Variants in GLIS3 observed in about 807,000 individuals in gnomAD.
GLIS3 encodes the protein zinc finger protein GLIS3.
Under a neutral mutation model 78.6 loss-of-function variants are expected in GLIS3, and 53 were observed. The observed-to-expected ratio is 0.67, with a 90% CI of 0.54 to 0.85. GLIS3 has a LOEUF of 0.85. GLIS3 is among the 40% of genes least tolerant of loss of function. The pLI, the probability that GLIS3 is intolerant of heterozygous loss-of-function variation, is 0.00. For missense variants in GLIS3, 1,703 were observed against 1,231.1 expected (o/e 1.38, Z -5.74); for synonymous variants, 684 against 509.9 (o/e 1.34, Z -4.60).
chr9:4,385,118 A>G, the GLIS3 span, among the ~76,000 whole-genome samples: 1 of 152,344 alleles, frequency 6.6e-6, no homozygotes, highest in South Asian at 2.1e-4. Context: ...ACTCCTCAGA[A>G]CAGTTTACTG....
chr9:4,242,836 C>T (rs1823444413), intron 2 of GLIS3, among the ~76,000 whole-genome samples: 1 of 152,020 alleles, frequency 6.6e-6, no homozygotes, highest in African/African-American at 2.4e-5. Flanking sequence ...AAATGTATTA[C>T]ATAAAATATA....
intron 4 of GLIS3, among the ~76,000 whole-genome samples, chr9:3,975,964 G>A (rs775960636): frequency 6.6e-6 from 1 of 152,098 alleles, no homozygotes; most frequent in Admixed American, 6.6e-5. Flanking sequence ...CATTAAATCT[G>A]TCGCTGTCTC....
intron 4 of GLIS3, among the ~76,000 whole-genome samples, chr9:4,070,739 C>T (rs1208104757): frequency 6.6e-6 from 1 of 152,184 alleles, no homozygotes; most frequent in African/African-American, 2.4e-5. Flanking sequence ...GTAATCAGCA[C>T]TTAAATATTT....
At chr9:4,487,261 C>A in the GLIS3 span, among the ~76,000 whole-genome samples, 45 of 152,166 alleles carry the variant, frequency 3.0e-4, 1 homozygote, top group African/African-American at 8.9e-4. Flanking sequence ...TAATGACAGG[C>A]AGGTGTTAAA....
At chr9:4,398,961 A>G in the GLIS3 span, among the ~76,000 whole-genome samples, 2 of 152,208 alleles carry the variant, frequency 1.3e-5, no homozygotes, top group African/African-American at 4.8e-5. Flanking sequence ...TGCTAGGATT[A>G]CAGGCGTGAG....
chr9:3,849,879 AGCCTGGGT>A (rs1006309858), intron 9 of GLIS3, among the ~76,000 whole-genome samples: 12 of 151,874 alleles, frequency 7.9e-5, no homozygotes, highest in Non-Finnish European at 5.9e-5. Flanking sequence ...ACTGCACCCC[AGCCTGGGT>A]GACAGAGTGA....
intron 4 of GLIS3, among the ~76,000 whole-genome samples, chr9:4,116,183 A>G (rs1404206191): frequency 6.6e-6 from 1 of 152,236 alleles, no homozygotes; most frequent in African/African-American, 2.4e-5. Context: ...ATTTCAGTAA[A>G]GCCAAATCCA....
At chr9:4,002,136 A>C (rs899859134) in intron 4 of GLIS3, among the ~76,000 whole-genome samples, 1 of 152,222 alleles carries the variant, frequency 6.6e-6, no homozygotes, top group African/African-American at 2.4e-5. Context: ...TCTTTATAAG[A>C]CAAAGATAGG....
chr9:4,034,790 A>C (rs985913651), intron 4 of GLIS3: 3 of 152,038 alleles, frequency 2.0e-5, no homozygotes, highest in African/African-American at 7.3e-5. Context: ...AATTCCTCAC[A>C]CCCCAGAGTA....
intron 4 of GLIS3, among the ~76,000 whole-genome samples, chr9:4,065,280 G>A (rs1178451677): frequency 2.0e-5 from 3 of 152,084 alleles, no homozygotes; most frequent in African/African-American, 4.8e-5. Flanking sequence ...ACAGCCCAAG[G>A]CAGAAAAAGG....
At chr9:3,917,009 T>C (rs1824555810) in intron 6 of GLIS3, among the ~76,000 whole-genome samples, 1 of 152,208 alleles carries the variant, frequency 6.6e-6, no homozygotes, top group African/African-American at 2.4e-5. Flanking sequence ...GATAGTGAGT[T>C]GGTCCTTAGC....
rs772516735 is a variant in GLIS3 at position 4,198,422 on chromosome 9, T to C, written c.389-72481A>G. On this transcript the variant is annotated intron_variant, in intron 2 of 10. Coordinates refer to ENST00000381971, the MANE Select transcript of GLIS3 (RefSeq NM_001042413.2). ...GGAATTACAAAATACAATTGAAAAT[T>C]TCATCAATAGACTGAACCAAGCAAA... Among the ~76,000 whole-genome samples, 73 of 151,634 alleles carry C rather than the reference T, an allele frequency of 4.8e-4. 1 individual carries two copies. Among genetic ancestry groups the C allele is most frequent in the Middle Eastern group, 3.4e-3 (1 of 294 alleles).
chr9:4,132,206 T>A (rs1833031494), intron 2 of GLIS3, among the ~76,000 whole-genome samples: 1 of 152,190 alleles, frequency 6.6e-6, no homozygotes, highest in African/African-American at 2.4e-5. Context: ...CATGATGTAT[T>A]TGAAACATGT....
chr9:4,410,808 G>T, the GLIS3 span, among the ~76,000 whole-genome samples: 1 of 152,066 alleles, frequency 6.6e-6, no homozygotes, highest in Non-Finnish European at 1.5e-5. Context: ...TGAACAAATG[G>T]GATATTTTAA....
At chr9:4,064,100 T>C (rs111848749) in intron 4 of GLIS3, among the ~76,000 whole-genome samples, 4,536 of 152,154 alleles carry the variant, frequency 0.03, 223 homozygotes, top group African/African-American at 0.1. Flanking sequence ...TAAGGCAACA[T>C]TAAAATATAG....
At chr9:4,418,716 AAAC>A in the GLIS3 span, among the ~76,000 whole-genome samples, 11 of 152,302 alleles carry the variant, frequency 7.2e-5, no homozygotes, top group African/African-American at 2.6e-4. Flanking sequence ...AAACAAAAAA[AAAC>A]ATATTGGAGA....
At chr9:3,897,526 C>A (rs1039837327) in intron 7 of GLIS3, among the ~76,000 whole-genome samples, 1 of 152,034 alleles carries the variant, frequency 6.6e-6, no homozygotes, top group African/African-American at 2.4e-5. Flanking sequence ...GAACCTGTAC[C>A]TGAAACCTCT....
At position 4,067,610 on chromosome 9, in the gene GLIS3, G is replaced by T. The variant is rs149072472; in HGVS notation, c.1710+50158C>A. Among the ~76,000 whole-genome samples, 5 of 152,196 alleles carry T rather than the reference G, an allele frequency of 3.3e-5. No homozygotes were observed. The South Asian group carries it at 1.0e-3, about 32-fold the overall frequency. ...CAGTTTATCTCCTCAAATTCAACAA[G>T]ATTCAAGCGGCCACTTTATGTATGA... On this transcript the variant is annotated intron_variant, in intron 4 of 10. Coordinates refer to ENST00000381971, the MANE Select transcript of GLIS3 (RefSeq NM_001042413.2).
At chr9:4,433,011 G>A in the GLIS3 span, among the ~76,000 whole-genome samples, 1 of 152,156 alleles carries the variant, frequency 6.6e-6, no homozygotes, top group Non-Finnish European at 1.5e-5. Context: ...CTGGTTCACG[G>A]AAACCTGCCT....
Sources: gnomAD v4.1 joint callset for allele counts (sites outside exome capture counted in the v4.1 genomes callset) on GRCh38, gnomAD v4.1.1 for gene constraint, MANE v1.5 for transcripts, NCBI Gene and HGNC (gene_info 2026-07-23, HGNC 2026-07-21) for gene names.